RAB36: variants seen among roughly 807,000 people sequenced by gnomAD.
The protein encoded by RAB36 is ras-related protein Rab-36.
In RAB36, 33 loss-of-function variants were observed where a neutral mutation model predicts 39.3. The ratio of observed to expected loss-of-function variants is 0.84; its 90% CI spans 0.64 to 1.12. The LOEUF is 1.12. RAB36 is among the 50% of genes most tolerant of loss of function. The pLI, the probability that RAB36 is intolerant of heterozygous loss-of-function variation, is 0.00. For missense variants in RAB36, 308 were observed against 355.3 expected (o/e 0.87, Z 1.07); for synonymous variants, 133 against 140.2 (o/e 0.95, Z 0.36).
chr22:23,157,954 T>C, intron 6 of RAB36, 38 bp from the exon 7 acceptor site: 3 of 1,613,824 alleles, frequency 1.9e-6, no homozygotes, highest in Non-Finnish European at 2.5e-6. Context: ...TCGCCTCGCC[T>C]GGCACTGATT....
rs1325498688 is a variant in RAB36, at chr22:23,160,941, C to T, written c.682C>T (p.Gln228Ter). 5 of 1,613,838 alleles carry T rather than the reference C, an allele frequency of 3.1e-6. No individual in the cohort carries two copies. The highest frequency in any genetic ancestry group is 4.2e-6 in the Non-Finnish European group (5 of 1,179,896). The change falls in exon 10 of 11, where the codon CAG (glutamine) becomes TAG (stop). Residue 228 changes from glutamine to a stop codon, truncating the protein, a stop_gained. Coordinates refer to ENST00000263116, the MANE Select transcript of RAB36 (RefSeq NM_004914.5). LOFTEE classifies it high-confidence loss of function. ...AALAFEQSVL[Q>*]DLERQSSARL... The stretch of plus-strand genomic sequence containing the variant: ...CCTGGCATTCGAGCAGTCGGTGCTG[C>T]AGGACCTGGAGAGGCAGAGCAGTGC...
In RAB36 at chr22:23,160,914, GC is replaced by G; in HGVS notation, c.658del (p.Leu220TrpfsTer26). The G allele has an allele frequency of 1.2e-6, 2 of 1,613,878 alleles. No homozygotes were observed. The highest frequency in any genetic ancestry group is 1.7e-6 in the Non-Finnish European group (2 of 1,179,930). ...GAAGGCATTCTTCAGCCGCGTAGCC[GC>G]CCTGGCATTCGAGCAGTCGGTGCTG... The part of the protein sequence containing the change: ...NVKAFFSRVA[A>X]LAFEQSVLQD... On this transcript the variant is annotated frameshift_variant, in exon 10 of 11. Transcript: ENST00000263116. LOFTEE classifies it high-confidence loss of function.
intron 4 of RAB36, among the ~76,000 whole-genome samples, chr22:23,152,774 TC>T (rs984787544): frequency 4.6e-5 from 7 of 152,132 alleles, no homozygotes; most frequent in African/African-American, 1.4e-4. Flanking sequence ...CCACGGGCTC[TC>T]CCCTCCACTG....
At chr22:23,147,796 AC>A (rs2070879204) in intron 2 of RAB36, among the ~76,000 whole-genome samples, 1 of 152,238 alleles carries the variant, frequency 6.6e-6, no homozygotes. Context: ...CCTGGCACAG[AC>A]ATGAGGAAGA....
At chr22:23,146,312 A>C (rs923726875) in intron 1 of RAB36, among the ~76,000 whole-genome samples, 2 of 152,014 alleles carry the variant, frequency 1.3e-5, no homozygotes, top group African/African-American at 4.8e-5. Flanking sequence ...AGGCTCAAGC[A>C]TTCCTCCCAC....
upstream of RAB36, chr22:23,145,441 A>G (rs2070706793): frequency 6.8e-6 from 11 of 1,610,806 alleles, no homozygotes; most frequent in Non-Finnish European, 9.3e-6. Flanking sequence ...CACGACGTCG[A>G]CGATTCGTGT....
At position 23,156,033 on chromosome 22, in the gene RAB36, G is replaced by T. The variant is rs1313281634; in HGVS notation, c.394+1G>T. 1 of 1,611,480 alleles carries T rather than the reference G, an allele frequency of 6.2e-7. No individual in the cohort carries two copies. The highest frequency in any genetic ancestry group is 1.3e-5 in the African/African-American group (1 of 74,854). On this transcript the variant is annotated splice_donor_variant, in intron 6 of 10. Coordinates refer to ENST00000263116, the MANE Select transcript of RAB36 (RefSeq NM_004914.5). LOFTEE classifies it high-confidence loss of function. ...TCTGCCTACTACCGGGGTGCCCAGG[G>T]TGAGCAACATGCCACGTCGGGGCTC... is the stretch of plus-strand genomic sequence containing the variant.
chr22:23,146,469 C>A (rs1403491706), intron 1 of RAB36, 136 bp from the exon 2 acceptor site: 1 of 1,367,650 alleles, frequency 7.3e-7, no homozygotes, highest in African/African-American at 1.5e-5. Context: ...ACCTTGGCCT[C>A]CCAAAGTGCT....
intron 6 of RAB36, 80 bp downstream of exon 6, chr22:23,156,112 T>C (rs1235239257): frequency 2.6e-6 from 3 of 1,137,998 alleles, no homozygotes; most frequent in African/African-American, 3.1e-5. Context: ...AATCCCGAGT[T>C]CTCTGCACAG....
At chr22:23,168,722 C>A (rs940287797), downstream of RAB36, among the ~76,000 whole-genome samples, 4 of 152,286 alleles carry the variant, frequency 2.6e-5, no homozygotes, top group East Asian at 7.7e-4. Flanking sequence ...TCCAGGCACC[C>A]CCTCAGTATT....
chr22:23,154,211 C>T (rs938083188), intron 5 of RAB36, among the ~76,000 whole-genome samples: 1 of 152,152 alleles, frequency 6.6e-6, no homozygotes, highest in African/African-American at 2.4e-5. Flanking sequence ...CTGTGAGACC[C>T]TTCCGTGCTC....
Position 23,158,977 on chromosome 22 carries a change from C to T in RAB36, c.526C>T (p.Leu176=). ...CCTCGTGGGAACCAAGAAGGACCTT[C>T]TGGTGAGCAGAGTGGCACTGGTGGT... ...IFLVGTKKDL[L]SGAACEQAEA... is the part of the protein sequence containing the mutation. Residue 176 remains leucine, a splice_region_variant and synonymous_variant, in exon 8 of 11, where the codon CTG becomes TTG. Transcript: ENST00000263116. 6.2e-7 allele frequency: 1 copy of T among 1,614,092 alleles called. No homozygotes were observed. Among genetic ancestry groups the T allele is most frequent in the Non-Finnish European group, 8.5e-7 (1 of 1,179,930 alleles).
intron 5 of RAB36, among the ~76,000 whole-genome samples, chr22:23,155,135 G>A (rs1454095543): frequency 2.0e-5 from 3 of 151,924 alleles, no homozygotes; most frequent in Admixed American, 6.6e-5. Flanking sequence ...CAAAAAAAAA[G>A]AAAAAAATCA....
In RAB36 at chr22:23,153,034, T is replaced by A; in HGVS notation, c.229T>A (p.Phe77Ile). Residue 77 changes from phenylalanine to isoleucine, a missense_variant and splice_region_variant, in exon 5 of 11, where the codon TTT (phenylalanine) becomes ATT (isoleucine). Physicochemically the swap from Phe to Ile is conservative, Grantham distance 21 (BLOSUM62 0). Transcript: ENST00000263116. Reference protein sequence around the residue: ...YVGKTSLIHRFCKNVFDRDYK... With the variant: ...YVGKTSLIHRICKNVFDRDYK... ...TGACGACTTCCTCATCCCCCACAGG[T>A]TTTGCAAGAATGTTTTTGATCGAGA... 6.2e-7 allele frequency: 1 copy of A among 1,613,252 alleles called. No homozygotes were observed. The highest frequency in any genetic ancestry group is 8.5e-7 in the Non-Finnish European group (1 of 1,179,378).
chr22:23,145,967 C>A lies in RAB36; in HGVS notation c.-13+416C>A, dbSNP rs1011791401. On this transcript the variant is annotated intron_variant, in intron 1 of 10. Transcript: ENST00000263116. ...GCCTTCGTCCTTTGCAGACTGGGAGCAGGAGACCCCTCCCCACTCTACTTC... is the reference window on the plus strand; with the variant it reads ...GCCTTCGTCCTTTGCAGACTGGGAGAAGGAGACCCCTCCCCACTCTACTTC... The A allele has an allele frequency of 4.1e-6, 4 of 985,094 alleles. No homozygotes were observed. The Admixed American group carries it at 2.5e-4, about 61-fold the overall frequency. 61.0% of individuals were successfully genotyped at this position (985,094 alleles called of 1,614,324 possible).
At chr22:23,153,359 C>G (rs1160824771) in intron 5 of RAB36, among the ~76,000 whole-genome samples, 1 of 152,170 alleles carries the variant, frequency 6.6e-6, no homozygotes, top group East Asian at 1.9e-4. Flanking sequence ...AAGGTGCTCA[C>G]AGCCTGACCT....
intron 2 of RAB36, among the ~76,000 whole-genome samples, chr22:23,149,749 C>T (rs993285467): frequency 2.6e-5 from 4 of 152,184 alleles, no homozygotes; most frequent in African/African-American, 9.7e-5. Context: ...CCACTCGTCT[C>T]GCCCTGAGAG....
Position 23,163,235 on chromosome 22 carries a change from G to A in RAB36, c.*1671G>A, listed in dbSNP as rs888674310. 4 of 152,446 alleles carry A rather than the reference G, an allele frequency of 2.6e-5. No homozygotes were observed. Among genetic ancestry groups the A allele is most frequent in the Non-Finnish European group, 5.7e-5 (4 of 69,736 alleles). 9.4% of individuals were successfully genotyped at this position (152,446 alleles called of 1,614,324 possible). A position where few individuals can be genotyped will look rare whatever the true frequency, so the allele number is the denominator to read the frequency against. On this transcript the variant is annotated 3_prime_UTR_variant, in exon 11 of 11. Coordinates refer to ENST00000263116, the MANE Select transcript of RAB36 (RefSeq NM_004914.5). Reference sequence around the variant, plus strand: ...CATAAATGATTTTATTCATTTTTATGTTTTCTTTTGGGCGGCGGGATGGAG... The same window carrying A: ...CATAAATGATTTTATTCATTTTTATATTTTCTTTTGGGCGGCGGGATGGAG...
chr22:23,152,504 G>T lies in RAB36; in HGVS notation c.205G>T (p.Gly69Trp), dbSNP rs1434740970. The T allele has an allele frequency of 6.2e-7, 1 of 1,614,128 alleles. No homozygotes were observed. The highest frequency in any genetic ancestry group is 2.2e-5 in the East Asian group (1 of 44,870). Residue 69 changes from glycine (G) to tryptophan (W), a missense_variant, in exon 4 of 11, where the codon GGG (glycine) becomes TGG (tryptophan). Transcript: ENST00000263116. ...GGTGGTGGTTGGCGATCTCTACGTG[G>T]GGAAGACCAGCCTCATCCACAGGTA... ...KVVVVGDLYV[G>W]KTSLIHRFCK...
Sources: allele counts gnomAD v4.1 joint callset (sites outside exome capture counted in the v4.1 genomes callset), GRCh38; gene constraint gnomAD v4.1.1; transcripts MANE v1.5; gene names NCBI Gene and HGNC (gene_info 2026-07-23, HGNC 2026-07-21).